The following DOCK8 variants were observed in gnomAD, a reference collection of about 807,000 sequenced individuals.
The protein encoded by DOCK8 is dedicator of cytokinesis protein 8.
Under a neutral mutation model 245.6 loss-of-function variants are expected in DOCK8, and 141 were observed. The ratio of observed to expected loss-of-function variants is 0.57; its 90% CI spans 0.50 to 0.66. The LOEUF (loss-of-function observed/expected upper bound fraction) is 0.66. DOCK8 is among the 30% of genes least tolerant of loss of function. The pLI, the probability that DOCK8 is intolerant of heterozygous loss-of-function variation, is 0.00. For missense variants in DOCK8, 2,965 were observed against 2,603.4 expected (o/e 1.14, Z -3.02); for synonymous variants, 1,168 against 970.2 (o/e 1.20, Z -3.79).
In DOCK8 at chr9:428,482, G is replaced by A; in HGVS notation, c.4459G>A (p.Ala1487Thr). ...YLTHCFATLR[A>T]LIAKFGDLLF... ...GACTCACTGCTTTGCAACACTCCGT[G>A]CTCTCATCGCCAAGGTAAACTTGGG... Residue 1487 changes from alanine (A) to threonine (T), a missense_variant, in exon 35 of 48, where the codon GCT (alanine) becomes ACT (threonine). This residue lies in a region of DOCK8 where 2,825 missense variants were observed against 2,453.5 expected (regional missense o/e 1.15). Transcript: ENST00000432829. The A allele has an allele frequency of 6.2e-7, 1 of 1,614,172 alleles. No individual in the cohort carries two copies. Among genetic ancestry groups the A allele is most frequent in the African/African-American group, 1.3e-5 (1 of 75,034 alleles).
At chr9:433,311 G>A (rs1416059654) in intron 37 of DOCK8, among the ~76,000 whole-genome samples, 1 of 152,236 alleles carries the variant, frequency 6.6e-6, no homozygotes, top group Non-Finnish European at 1.5e-5. Flanking sequence ...ACGGGGATAA[G>A]ACAACATTCT....
chr9:243,496 G>C (rs2131422967), intron 1 of DOCK8, among the ~76,000 whole-genome samples: 1 of 152,242 alleles, frequency 6.6e-6, no homozygotes, highest in South Asian at 2.1e-4. Flanking sequence ...AAGATCAATT[G>C]TTTCTTGGCC....
rs2048740934 is a variant in DOCK8, at chr9:284,777, TC to T, written c.157-1683del. Among the ~76,000 whole-genome samples the T allele has an allele frequency of 3.3e-5, 5 of 152,284 alleles. No individual in the cohort carries two copies. The South Asian group carries it at 1.0e-3, about 32-fold the overall frequency. ...CTATGCAGCCATAAAAATAATGAGA[TC>T]ATGCCTTTTGTGGGAACATGGATGG... On this transcript the variant is annotated intron_variant, in intron 2 of 47. Transcript: ENST00000432829.
intron 34 of DOCK8, 108 bp downstream of exon 34, chr9:427,089 C>T (rs1171359309): frequency 2.2e-6 from 2 of 929,122 alleles, no homozygotes; most frequent in Non-Finnish European, 3.4e-6. Flanking sequence ...TCCCATAGTA[C>T]CTTTTTTAAA....
At chr9:352,652 A>G (rs933161982) in intron 14 of DOCK8, among the ~76,000 whole-genome samples, 1 of 151,678 alleles carries the variant, frequency 6.6e-6, no homozygotes, top group South Asian at 2.1e-4. Context: ...CTGGGGCAGG[A>G]GAATCGCTTG....
upstream of DOCK8, chr9:214,271 C>T: frequency 1.9e-6 from 1 of 513,626 alleles, no homozygotes; most frequent in South Asian, 2.4e-5. Flanking sequence ...AGAACGCCGC[C>T]TTCAGTGTTT....
chr9:248,313 A>G (rs1163020384), intron 1 of DOCK8, among the ~76,000 whole-genome samples: 2 of 152,220 alleles, frequency 1.3e-5, no homozygotes, highest in South Asian at 2.1e-4. Context: ...AATACTGAAC[A>G]TTCTGTCTTT....
chr9:445,394 A>C (rs1367619024), intron 43 of DOCK8, among the ~76,000 whole-genome samples: 1 of 152,216 alleles, frequency 6.6e-6, no homozygotes, highest in East Asian at 1.9e-4. Context: ...GTGTCCCAGC[A>C]TCTGAACTCA....
chr9:377,100 A>G lies in DOCK8; in HGVS notation c.2329A>G (p.Ile777Val), dbSNP rs751604323. Reference protein sequence around the residue: ...MALEHELKLSIICLNSSRLEP... With the variant: ...MALEHELKLSVICLNSSRLEP... ...GCTGGAGCATGAGCTGAAGCTCAGCATCATCTGCCTGAACTCCTCCCGCCT... is the reference window on the plus strand; with the variant it reads ...GCTGGAGCATGAGCTGAAGCTCAGCGTCATCTGCCTGAACTCCTCCCGCCT... The change falls in exon 20 of 48, where the codon ATC (isoleucine) becomes GTC (valine). Residue 777 changes from isoleucine to valine, a missense_variant. By Grantham distance (29) the Ile-to-Val change is conservative. Coordinates refer to ENST00000432829, the MANE Select transcript of DOCK8 (RefSeq NM_203447.4). 4 of 1,612,332 alleles carry G rather than the reference A, an allele frequency of 2.5e-6. No homozygotes were observed. The highest frequency in any genetic ancestry group is 3.4e-6 in the Non-Finnish European group (4 of 1,179,950).
chr9:417,953 G>A (rs2056099142), intron 29 of DOCK8, 115 bp from the exon 30 acceptor site: 2 of 1,356,988 alleles, frequency 1.5e-6, no homozygotes, highest in South Asian at 2.4e-5. Context: ...TAAACATCAG[G>A]TTTGAAATTA....
intron 2 of DOCK8, among the ~76,000 whole-genome samples, chr9:281,976 T>A (rs785850): frequency 6.6e-6 from 1 of 152,046 alleles, no homozygotes; most frequent in Non-Finnish European, 1.5e-5. Context: ...TGTTGGTGCT[T>A]ACCAGCTCTT....
chr9:214,764 G>C (rs2046696606), upstream of DOCK8: 1 of 1,539,498 alleles, frequency 6.5e-7, no homozygotes, highest in Non-Finnish European at 8.7e-7. Flanking sequence ...CTGCGCGCCA[G>C]GCCGGGTGGC....
At chr9:429,447 G>A (rs149363675) in intron 35 of DOCK8, among the ~76,000 whole-genome samples, 2 of 152,186 alleles carry the variant, frequency 1.3e-5, no homozygotes, top group Admixed American at 6.6e-5. Context: ...TTTCACCAGT[G>A]AATGCGACCT....
chr9:327,908 T>C lies in DOCK8; in HGVS notation c.895-114T>C. ...CTTTCCTAAACCACATCTGTGATTA[T>C]TACACTTACTCCTTCAGCAAAATTT... is the stretch of plus-strand genomic sequence containing the variant. On this transcript the variant is annotated intron_variant, in intron 8 of 47. Coordinates refer to ENST00000432829, the MANE Select transcript of DOCK8 (RefSeq NM_203447.4). The C allele has an allele frequency of 4.1e-6, 4 of 971,068 alleles. No individual in the cohort carries two copies. In the South Asian group the frequency reaches 5.2e-5, roughly 13 times the overall value. 60.2% of individuals were successfully genotyped at this position (971,068 alleles called of 1,614,324 possible). A position where few individuals can be genotyped will look rare whatever the true frequency, so the allele number is the denominator to read the frequency against.
chr9:260,642 T>G (rs1452181035), intron 1 of DOCK8, among the ~76,000 whole-genome samples: 12 of 152,230 alleles, frequency 7.9e-5, no homozygotes, highest in Non-Finnish European at 1.0e-4. Flanking sequence ...TGAATTTTTT[T>G]GTGCTGGCAG....
At position 414,835 on chromosome 9, in the gene DOCK8, C is replaced by T; in HGVS notation, c.3584C>T (p.Ser1195Phe). The stretch of plus-strand genomic sequence containing the variant: ...AGTGCAATTCACAGCCTGCTAAGTT[C>T]TCACGACCTGGACCCACGCTGTGTC... ...AVSAIHSLLS[S>F]HDLDPRCVKP... Residue 1195 changes from serine (S) to phenylalanine (F), a missense_variant, in exon 29 of 48, where the codon TCT becomes TTT. Coordinates refer to ENST00000432829, the MANE Select transcript of DOCK8 (RefSeq NM_203447.4). The T allele has an allele frequency of 6.2e-7, 1 of 1,614,176 alleles. No homozygotes were observed. The highest frequency in any genetic ancestry group is 8.5e-7 in the Non-Finnish European group (1 of 1,180,022).
chr9:275,061 A>G (rs2048289583), intron 2 of DOCK8, among the ~76,000 whole-genome samples: 1 of 152,248 alleles, frequency 6.6e-6, no homozygotes, highest in South Asian at 2.1e-4. Flanking sequence ...TACAGTTGTC[A>G]TTTATTAGTC....
At chr9:397,560 C>T (rs934608224) in intron 25 of DOCK8, among the ~76,000 whole-genome samples, 5 of 150,774 alleles carry the variant, frequency 3.3e-5, no homozygotes, top group Non-Finnish European at 7.4e-5. Context: ...TGTAGTGGCA[C>T]GTACCTGTAA....
intron 1 of DOCK8, among the ~76,000 whole-genome samples, chr9:270,962 A>G (rs1587697020): frequency 6.6e-6 from 1 of 152,220 alleles, no homozygotes; most frequent in Admixed American, 6.5e-5. Flanking sequence ...ATCACTGGCC[A>G]GCAGTCACAT....
Sources: allele counts gnomAD v4.1 joint callset (sites outside exome capture counted in the v4.1 genomes callset), GRCh38; gene constraint gnomAD v4.1.1; regional missense constraint gnomAD v4.1.1; transcripts MANE v1.5; gene names NCBI Gene and HGNC (gene_info 2026-07-23, HGNC 2026-07-21).